The following ZNF425 variants were observed in gnomAD, a reference collection of about 807,000 sequenced individuals.
The protein encoded by ZNF425 is zinc finger protein 425.
ZNF425 carries 21 observed loss-of-function variants against 17.0 expected under a neutral mutation model. That is an observed-to-expected ratio of 1.23 (90% confidence interval 0.88 to 1.78). The LOEUF (loss-of-function observed/expected upper bound fraction) is 1.78, where lower values mean the gene tolerates loss of function less well. Ranked by LOEUF, ZNF425 falls within the 40% of genes most tolerant of loss-of-function variation. The pLI, the probability that ZNF425 is intolerant of heterozygous loss-of-function variation, is 0.00. For missense variants in ZNF425, 868 were observed against 967.3 expected (o/e 0.90, Z 1.36); for synonymous variants, 433 against 384.1 (o/e 1.13, Z -1.49).
intron 3 of ZNF425, 157 bp downstream of exon 3, chr7:149,111,980 C>T: frequency 1.5e-6 from 1 of 673,762 alleles, no homozygotes; most frequent in Non-Finnish European, 2.4e-6. Flanking sequence ...CCACGCCCAG[C>T]CCACATTTGC....
At chr7:149,105,784 G>A (rs1191327744) in intron 3 of ZNF425, among the ~76,000 whole-genome samples, 1 of 151,818 alleles carries the variant, frequency 6.6e-6, no homozygotes, top group Non-Finnish European at 1.5e-5. Flanking sequence ...CCAAGTAGCT[G>A]GGACGACAGG....
chr7:149,109,940 A>C (rs1232749884), intron 3 of ZNF425, among the ~76,000 whole-genome samples: 1 of 148,410 alleles, frequency 6.7e-6, no homozygotes, highest in Non-Finnish European at 1.5e-5. Context: ...GCAATGGCGC[A>C]ATCTTGGCTC....
At position 149,103,558 on chromosome 7, in the gene ZNF425, C is replaced by T. The variant is rs1166291931; in HGVS notation, c.*54G>A. On this transcript the variant is annotated 3_prime_UTR_variant, in exon 4 of 4. Coordinates refer to ENST00000378061, the MANE Select transcript of ZNF425 (RefSeq NM_001001661.3). Reference sequence around the variant, plus strand: ...TTCAACCTGCCTCAACTTGAGCCAACAGAGCTGCTGGCACCTCCTGAAAGC... The same window carrying T: ...TTCAACCTGCCTCAACTTGAGCCAATAGAGCTGCTGGCACCTCCTGAAAGC... The T allele has an allele frequency of 6.5e-7, 1 of 1,528,836 alleles. No homozygotes were observed. Among genetic ancestry groups the T allele is most frequent in the Non-Finnish European group, 8.7e-7 (1 of 1,144,214 alleles). The allele number at this position is 1,528,836 out of a possible 1,614,324, so 94.7% of individuals were successfully genotyped here.
At chr7:149,115,100 A>ATTT (rs71192755) in intron 2 of ZNF425, among the ~76,000 whole-genome samples, 1 of 123,894 alleles carries the variant, frequency 8.1e-6, no homozygotes, top group African/African-American at 3.1e-5. Flanking sequence ...ACGCTGGCTA[A>ATTT]TTTTTTTTTT....
intron 2 of ZNF425, among the ~76,000 whole-genome samples, chr7:149,117,290 G>A (rs1038729078): frequency 2.0e-5 from 3 of 151,792 alleles, no homozygotes; most frequent in African/African-American, 7.3e-5. Flanking sequence ...ACAAGAATGT[G>A]TCAGAATAAG....
In ZNF425 at chr7:149,112,029, A is replaced by T. The variant is rs981701638; in HGVS notation, c.304+108T>A. ...AAAGAAAACTAACATTCTCCATCAAAACAACTTTTTTTATTGACTAGATCT... is the reference window on the plus strand; with the variant it reads ...AAAGAAAACTAACATTCTCCATCAATACAACTTTTTTTATTGACTAGATCT... On this transcript the variant is annotated intron_variant, in intron 3 of 3. Coordinates refer to ENST00000378061, the MANE Select transcript of ZNF425 (RefSeq NM_001001661.3). The T allele has an allele frequency of 7.3e-6, 9 of 1,229,484 alleles. No homozygotes were observed. The Admixed American group carries it at 2.1e-4, about 29-fold the overall frequency. 76.2% of individuals were successfully genotyped at this position (1,229,484 alleles called of 1,614,324 possible).
intron 2 of ZNF425, among the ~76,000 whole-genome samples, chr7:149,112,691 G>A (rs954064702): frequency 1.4e-4 from 22 of 151,752 alleles, no homozygotes; most frequent in African/African-American, 5.3e-4. Context: ...TTTGAGACAG[G>A]GTCTCACTCT....
chr7:149,114,148 TC>T (rs1181485687), intron 2 of ZNF425, among the ~76,000 whole-genome samples: 2 of 151,422 alleles, frequency 1.3e-5, no homozygotes, highest in East Asian at 3.9e-4. Context: ...AACCTCTGCC[TC>T]CCGGGTTCAA....
chr7:149,109,070 CTTTT>C (rs1310244748), intron 3 of ZNF425, among the ~76,000 whole-genome samples: 14 of 150,312 alleles, frequency 9.3e-5, no homozygotes, highest in Non-Finnish European at 3.0e-5. Flanking sequence ...TCTCTGTTTT[CTTTT>C]TTCTTTCTTT....
chr7:149,117,246 G>A (rs1051675406), intron 2 of ZNF425, among the ~76,000 whole-genome samples: 10 of 110,714 alleles, frequency 9.0e-5, no homozygotes, highest in African/African-American at 2.6e-4. Context: ...TATGGACTCC[G>A]TCTCAAAAAA....
chr7:149,112,192 G>A lies in ZNF425; in HGVS notation c.249C>T (p.Ser83=). The change falls in exon 3 of 4, where the codon AGC becomes AGT. Residue 83 remains serine, a synonymous_variant. Coordinates refer to ENST00000378061, the MANE Select transcript of ZNF425 (RefSeq NM_001001661.3). ...TGTTCAACTGTTCATCAGTAGGAGG[G>A]CTAGTTGTCCTTCTTGTTTTATCTA... ...GCLDKTRRTT[S]PPTDEQLNMK... is the part of the protein sequence containing the mutation. The A allele has an allele frequency of 2.5e-6, 4 of 1,614,028 alleles. No individual in the cohort carries two copies. Among genetic ancestry groups the A allele is most frequent in the Non-Finnish European group, 3.4e-6 (4 of 1,179,936 alleles).
At chr7:149,110,796 CT>C (rs71192754) in intron 3 of ZNF425, among the ~76,000 whole-genome samples, 188 of 133,188 alleles carry the variant, frequency 1.4e-3, no homozygotes, top group Non-Finnish European at 2.1e-3. Flanking sequence ...ATCCCTTGTT[CT>C]TTTTTTTTTT....
At chr7:149,105,618 T>C in intron 3 of ZNF425, 52 bp from the exon 4 acceptor site, 2 of 1,345,168 alleles carry the variant, frequency 1.5e-6, no homozygotes, top group Non-Finnish European at 9.7e-7. Flanking sequence ...ACCCTATAAA[T>C]GGGTTCAAGG....
intron 3 of ZNF425, among the ~76,000 whole-genome samples, chr7:149,111,590 TAAAAAAAA>T (rs60783786): frequency 0.041 from 2,230 of 54,252 alleles, 104 homozygotes; most frequent in African/African-American, 0.14. Flanking sequence ...AGACTCTGTC[TAAAAAAAA>T]AAAAAAAAAA....
chr7:149,106,914 C>T (rs1309920712), intron 3 of ZNF425, among the ~76,000 whole-genome samples: 1 of 151,986 alleles, frequency 6.6e-6, no homozygotes, highest in Non-Finnish European at 1.5e-5. Context: ...GGAGACCAGC[C>T]TGGTCAATAT....
At chr7:149,106,354 G>C (rs1046974816) in intron 3 of ZNF425, among the ~76,000 whole-genome samples, 2 of 148,136 alleles carry the variant, frequency 1.4e-5, no homozygotes, top group Admixed American at 6.7e-5. Flanking sequence ...AGCAATTCTT[G>C]TGCCTCAGCC....
chr7:149,104,881 G>GAAGGGC lies in ZNF425; in HGVS notation c.984_989dup (p.Pro329_Phe330insLeuPro). On this transcript the variant is annotated inframe_insertion, in exon 4 of 4. Transcript: ENST00000378061. This position sits in a 1 kb window ranked among gnomAD's most constrained non-coding sequence, Gnocchi z 4.3. ...AGCACCGGTCACACTGCGGACACTG[G>GAAGGGC]AAGGGCTTCTCTCCGCTGTGCAGCC... 1 of 1,613,564 alleles carries GAAGGGC rather than the reference G, an allele frequency of 6.2e-7. No homozygotes were observed. Among genetic ancestry groups the GAAGGGC allele is most frequent in the Non-Finnish European group, 8.5e-7 (1 of 1,179,956 alleles).
intron 2 of ZNF425, among the ~76,000 whole-genome samples, chr7:149,113,712 C>T (rs1246019381): frequency 2.0e-5 from 3 of 151,798 alleles, no homozygotes; most frequent in East Asian, 2.0e-4. Flanking sequence ...CCACCACGCC[C>T]GGCTAATGTT....
At chr7:149,106,857 C>A (rs1293912344) in intron 3 of ZNF425, among the ~76,000 whole-genome samples, 2 of 151,852 alleles carry the variant, frequency 1.3e-5, no homozygotes, top group East Asian at 3.9e-4. Context: ...ACCTGTAATC[C>A]CAGCACTTTG....
Sources: gnomAD v4.1 joint callset for allele counts (sites outside exome capture counted in the v4.1 genomes callset) on GRCh38, gnomAD v4.1.1 for gene constraint, Gnocchi (gnomAD v3.1) non-coding constraint, MANE v1.5 for transcripts, NCBI Gene and HGNC (gene_info 2026-07-23, HGNC 2026-07-21) for gene names.